HS6ST3: variants seen among roughly 807,000 people sequenced by gnomAD.
HS6ST3 encodes the protein heparan-sulfate 6-O-sulfotransferase 3.
A neutral mutation model predicts 36.7 loss-of-function variants in HS6ST3; 12 were observed. The ratio of observed to expected loss-of-function variants is 0.33; its 90% CI spans 0.21 to 0.53. HS6ST3 has a LOEUF of 0.53. HS6ST3 is among the 20% of genes least tolerant of loss of function. The probability of loss-of-function intolerance (pLI) is 0.95; values close to 1 mark genes in which losing one functional copy is unlikely to be tolerated. For synonymous variants in HS6ST3, 240 were observed against 257.5 expected (o/e 0.93, Z 0.65); for missense variants, 584 against 640.9 (o/e 0.91, Z 0.96).
intron 1 of HS6ST3, among the ~76,000 whole-genome samples, chr13:96,695,228 T>G (rs1444348335): frequency 1.3e-5 from 2 of 152,188 alleles, no homozygotes; most frequent in Non-Finnish European, 2.9e-5. Flanking sequence ...CTCTGATTTC[T>G]TCTCTAAATC....
chr13:96,520,230 C>T, intron 1 of HS6ST3, among the ~76,000 whole-genome samples: 1 of 152,098 alleles, frequency 6.6e-6, no homozygotes, highest in East Asian at 1.9e-4. Flanking sequence ...GTTTTGGTAC[C>T]AGTACCATGC....
At chr13:96,202,232 C>T (rs1566286064) in intron 1 of HS6ST3, among the ~76,000 whole-genome samples, 1 of 152,092 alleles carries the variant, frequency 6.6e-6, no homozygotes, top group Non-Finnish European at 1.5e-5. Context: ...CATTTTAATG[C>T]CTTGATGCCC....
rs140333915 is a variant in HS6ST3, at chr13:96,264,373, C to T, written c.707+172804C>T. Among the ~76,000 whole-genome samples, 119 of 152,252 alleles carry T rather than the reference C, an allele frequency of 7.8e-4. 2 individuals carry two copies. The East Asian group carries it at 0.02, about 25-fold the overall frequency. On this transcript the variant is annotated intron_variant, in intron 1 of 1. Coordinates refer to ENST00000376705, the MANE Select transcript of HS6ST3 (RefSeq NM_153456.4). ...AACTAGCTTTCACTGAAAGGGGCTC[C>T]AGAGCCTGTAAAACCAAGTGCCAAC... is the stretch of plus-strand genomic sequence containing the variant.
chr13:96,388,506 AATGGGCCC>A (rs2055379657), intron 1 of HS6ST3, among the ~76,000 whole-genome samples: 1 of 152,236 alleles, frequency 6.6e-6, no homozygotes, highest in South Asian at 2.1e-4. Context: ...TTCAAATTAG[AATGGGCCC>A]ATAGGCCTAG....
intron 1 of HS6ST3, among the ~76,000 whole-genome samples, chr13:96,117,484 A>G (rs1295122540): frequency 1.3e-5 from 2 of 152,218 alleles, no homozygotes; most frequent in East Asian, 1.9e-4. Context: ...AGGCATTTAC[A>G]TTGGTTGAGG....
intron 1 of HS6ST3, among the ~76,000 whole-genome samples, chr13:96,675,367 A>G (rs1202858502): frequency 1.3e-5 from 2 of 152,116 alleles, no homozygotes; most frequent in Non-Finnish European, 2.9e-5. Context: ...TTACATTTAA[A>G]TATATATTTA....
intron 1 of HS6ST3, among the ~76,000 whole-genome samples, chr13:96,504,966 A>G (rs2056020476): frequency 6.6e-6 from 1 of 152,216 alleles, no homozygotes; most frequent in South Asian, 2.1e-4. Context: ...ACTTTTGGGA[A>G]CTATTACCCT....
intron 1 of HS6ST3, among the ~76,000 whole-genome samples, chr13:96,621,393 T>C (rs1455005957): frequency 6.6e-6 from 1 of 152,208 alleles, no homozygotes. Context: ...TCCTGCACTC[T>C]CACTTCCCTC....
At chr13:96,671,277 G>A (rs2056681910) in intron 1 of HS6ST3, among the ~76,000 whole-genome samples, 1 of 152,060 alleles carries the variant, frequency 6.6e-6, no homozygotes, top group African/African-American at 2.4e-5. Context: ...ACCCAAATCA[G>A]AAGGAAGTCT....
chr13:96,311,431 T>C (rs910964502), intron 1 of HS6ST3, among the ~76,000 whole-genome samples: 12 of 152,080 alleles, frequency 7.9e-5, no homozygotes, highest in African/African-American at 2.9e-4. Flanking sequence ...TGGTGGGCGC[T>C]TTCCAGAAGT....
intron 1 of HS6ST3, among the ~76,000 whole-genome samples, chr13:96,732,079 A>G (rs1876169762): frequency 6.6e-6 from 1 of 152,092 alleles, no homozygotes; most frequent in South Asian, 2.1e-4. Context: ...GTTATCTTTT[A>G]TCTTTTTGAA....
chr13:96,779,211 C>T (rs771018541), intron 1 of HS6ST3, among the ~76,000 whole-genome samples: 45 of 151,994 alleles, frequency 3.0e-4, no homozygotes, highest in Non-Finnish European at 6.2e-4. Flanking sequence ...GTAGAAATAC[C>T]TAATGTAGAT....
At chr13:96,331,772 C>T (rs1442272387) in intron 1 of HS6ST3, among the ~76,000 whole-genome samples, 2 of 151,950 alleles carry the variant, frequency 1.3e-5, no homozygotes, top group East Asian at 1.9e-4. Context: ...GGGCGCCCCT[C>T]CCCCAGCCTC....
intron 1 of HS6ST3, among the ~76,000 whole-genome samples, chr13:96,143,501 AGTATTT>A (rs1324016751): frequency 6.6e-6 from 1 of 150,608 alleles, no homozygotes; most frequent in African/African-American, 2.4e-5. Context: ...AAGAACCTTA[AGTATTT>A]GTAAGTGGTT....
chr13:96,156,421 G>A (rs1361410881), intron 1 of HS6ST3, among the ~76,000 whole-genome samples: 7 of 152,200 alleles, frequency 4.6e-5, no homozygotes, highest in Admixed American at 3.3e-4. Context: ...TGAAAGGTAC[G>A]CAGCTGTATG....
At chr13:96,358,873 T>C (rs2055223026) in intron 1 of HS6ST3, among the ~76,000 whole-genome samples, 2 of 60,866 alleles carry the variant, frequency 3.3e-5, no homozygotes, top group South Asian at 1.1e-3. Context: ...ATATATAATC[T>C]ATCTATCTAT....
At chr13:96,144,916 C>T (rs958634345) in intron 1 of HS6ST3, among the ~76,000 whole-genome samples, 52 of 150,108 alleles carry the variant, frequency 3.5e-4, no homozygotes, top group African/African-American at 9.3e-4. Context: ...TTTGTCCTTG[C>T]GATAGTTTGC....
At chr13:96,546,374 G>C (rs899429525) in intron 1 of HS6ST3, among the ~76,000 whole-genome samples, 1 of 152,134 alleles carries the variant, frequency 6.6e-6, no homozygotes, top group Non-Finnish European at 1.5e-5. Flanking sequence ...CGTATTACAA[G>C]TTTCACTTGA....
At position 96,473,537 on chromosome 13, in the gene HS6ST3, T is replaced by G. The variant is rs982412056; in HGVS notation, c.708-358953T>G. Among the ~76,000 whole-genome samples the G allele has an allele frequency of 4.7e-4, 72 of 152,322 alleles. 1 individual carries two copies. The highest frequency in any genetic ancestry group is 4.2e-3 in the Admixed American group (64 of 15,294). On this transcript the variant is annotated intron_variant, in intron 1 of 1. Coordinates refer to ENST00000376705, the MANE Select transcript of HS6ST3 (RefSeq NM_153456.4). ...ATCCTAAGTGTCTGGCATCGCTACC[T>G]CTTCTGGGGAAGGTTTCTTGTCATC...
Sources: gnomAD v4.1 joint callset for allele counts (sites outside exome capture counted in the v4.1 genomes callset) on GRCh38, gnomAD v4.1.1 for gene constraint, MANE v1.5 for transcripts, NCBI Gene and HGNC (gene_info 2026-07-23, HGNC 2026-07-21) for gene names.